FBP1: variants seen among roughly 807,000 people sequenced by gnomAD.
The protein encoded by FBP1 is fructose-bisphosphatase 1.
FBP1 carries 22 observed loss-of-function variants against 29.9 expected under a neutral mutation model. The ratio of observed to expected loss-of-function variants is 0.74; its 90% confidence interval spans 0.53 to 1.05. The LOEUF is 1.05. FBP1 is among the 50% of genes least tolerant of loss of function. FBP1 has a pLI of 0.00. For missense variants in FBP1, 345 were observed against 448.2 expected, an observed-to-expected ratio of 0.77 and a Z score of 2.08; for synonymous variants, 175 against 178.6, an observed-to-expected ratio of 0.98 and a Z score of 0.16.
intron 2 of FBP1, among the ~76,000 whole-genome samples, chr9:94,618,979 T>G (rs942124183): frequency 6.6e-6 from 1 of 152,146 alleles, no homozygotes; most frequent in Non-Finnish European, 1.5e-5. Context: ...TACAATGTCG[T>G]TTTTAAATGT....
chr9:94,605,382 T>A, intron 6 of FBP1, 75 bp downstream of exon 6: 2 of 1,540,098 alleles, frequency 1.3e-6, no homozygotes, highest in South Asian at 2.3e-5. Context: ...GCAAAACCTT[T>A]CTTCTTCCTA....
intron 1 of FBP1, among the ~76,000 whole-genome samples, chr9:94,624,380 C>T (rs905965829): frequency 6.8e-5 from 10 of 147,782 alleles, no homozygotes; most frequent in African/African-American, 2.0e-4. Flanking sequence ...GGGCCAGGCA[C>T]GGTGGCTCAC....
At chr9:94,619,537 A>C (rs138997140) in intron 2 of FBP1, among the ~76,000 whole-genome samples, 520 of 152,232 alleles carry the variant, frequency 3.4e-3, no homozygotes, top group African/African-American at 0.012. Context: ...TGCACTAGAC[A>C]CTGGGACACA....
intron 2 of FBP1, 118 bp downstream of exon 2, chr9:94,620,211 A>G (rs542758161): frequency 4.4e-5 from 44 of 993,950 alleles, no homozygotes; most frequent in Middle Eastern, 3.0e-4. Context: ...AAAAGACCAC[A>G]GCAGGGATCT....
At chr9:94,629,312 T>C (rs1012087729) in intron 1 of FBP1, among the ~76,000 whole-genome samples, 5 of 152,154 alleles carry the variant, frequency 3.3e-5, no homozygotes, top group Non-Finnish European at 7.3e-5. Flanking sequence ...AAAGCAGAGC[T>C]GATTAGCATG....
intron 6 of FBP1, 83 bp downstream of exon 6, chr9:94,605,374 A>C: frequency 6.7e-7 from 1 of 1,499,506 alleles, no homozygotes; most frequent in Non-Finnish European, 9.1e-7. Context: ...AATAGCTAGC[A>C]AAACCTTTCT....
chr9:94,621,563 C>T (rs955505289), intron 1 of FBP1, among the ~76,000 whole-genome samples: 1 of 152,130 alleles, frequency 6.6e-6, no homozygotes, highest in Non-Finnish European at 1.5e-5. Flanking sequence ...TGTTTCTTAA[C>T]TTTGTTTTCA....
intron 3 of FBP1, among the ~76,000 whole-genome samples, chr9:94,613,003 C>T (rs1164067927): frequency 1.3e-5 from 2 of 152,228 alleles, no homozygotes; most frequent in Admixed American, 6.5e-5. Flanking sequence ...AGGCCACCAC[C>T]TGCTGTAGGC....
chr9:94,627,660 A>G (rs1828045363), intron 1 of FBP1, among the ~76,000 whole-genome samples: 1 of 152,182 alleles, frequency 6.6e-6, no homozygotes, highest in South Asian at 2.1e-4. Context: ...GGCAGCTGTG[A>G]ACCAGAGGTG....
chr9:94,617,798 G>A lies in FBP1; in HGVS notation c.396C>T (p.Ser132=), dbSNP rs749185068. ...DGSSNIDCLV[S]VGTIFGIYRK... ...TATAGATGCCAAAAATGGTTCCAAC[G>A]GACACAAGGCAATCGATGTTGGAAG... is the stretch of plus-strand genomic sequence containing the variant. The change falls in exon 3 of 7, where the codon TCC becomes TCT. Residue 132 remains serine (S), a synonymous_variant. Coordinates refer to ENST00000375326, the MANE Select transcript of FBP1 (RefSeq NM_000507.4). 15 of 1,613,538 alleles carry A rather than the reference G, an allele frequency of 9.3e-6. No individual in the cohort carries two copies. The highest frequency in any genetic ancestry group is 2.2e-5 in the South Asian group (2 of 91,062).
Position 94,617,796 on chromosome 9 carries a change from A to T in FBP1, c.398T>A (p.Val133Asp). The change falls in exon 3 of 7, where the codon GTT (valine) becomes GAT (aspartate). Residue 133 changes from valine to aspartate, a missense_variant. By Grantham distance (152) the Val-to-Asp change is radical (BLOSUM62 -3). Transcript: ENST00000375326. ...TCTATAGATGCCAAAAATGGTTCCAACGGACACAAGGCAATCGATGTTGGA... is the reference window on the plus strand; with the variant it reads ...TCTATAGATGCCAAAAATGGTTCCATCGGACACAAGGCAATCGATGTTGGA... The part of the protein sequence containing the change: ...GSSNIDCLVS[V>D]GTIFGIYRKK... The T allele has an allele frequency of 6.2e-7, 1 of 1,613,868 alleles. No individual in the cohort carries two copies. The highest frequency in any genetic ancestry group is 8.5e-7 in the Non-Finnish European group (1 of 1,179,722).
Position 94,620,187 on chromosome 9 carries a change from A to G in FBP1, c.333+142T>C, listed in dbSNP as rs1048606160. On this transcript the variant is annotated intron_variant, in intron 2 of 6. Coordinates refer to ENST00000375326, the MANE Select transcript of FBP1 (RefSeq NM_000507.4). ...GAGGATTCGAGAGATGGCAGCAGTG[A>G]GGTGGAAGCTATGAAAAGACCACAG... is the stretch of plus-strand genomic sequence containing the variant. The G allele has an allele frequency of 4.9e-6, 4 of 823,304 alleles. No individual in the cohort carries two copies. In the African/African-American group the frequency reaches 6.7e-5, roughly 14 times the overall value. The allele number at this position is 823,304 out of a possible 1,614,324, so 51.0% of individuals were successfully genotyped here.
At chr9:94,631,808 G>C (rs1828108184) in intron 1 of FBP1, among the ~76,000 whole-genome samples, 1 of 152,152 alleles carries the variant, frequency 6.6e-6, no homozygotes, top group Admixed American at 6.5e-5. Flanking sequence ...GTTACTGCTT[G>C]ATTCCATGGT....
chr9:94,623,391 G>C (rs1161426196), intron 1 of FBP1, among the ~76,000 whole-genome samples: 1 of 152,226 alleles, frequency 6.6e-6, no homozygotes, highest in Non-Finnish European at 1.5e-5. Context: ...AGGCTCCCCT[G>C]CTCTTTCTGA....
At chr9:94,622,185 G>A (rs559449437) in intron 1 of FBP1, among the ~76,000 whole-genome samples, 5 of 152,316 alleles carry the variant, frequency 3.3e-5, no homozygotes, top group Middle Eastern at 3.4e-3. Context: ...TTGTCTAAAC[G>A]CAGCCTAGCT....
chr9:94,624,121 G>A (rs891713553), intron 1 of FBP1, among the ~76,000 whole-genome samples: 5 of 149,684 alleles, frequency 3.3e-5, no homozygotes, highest in East Asian at 2.0e-4. Context: ...GGATCCACCT[G>A]AGGTCAGGAG....
chr9:94,617,870 G>GA lies in FBP1; in HGVS notation c.334-11dup. The GA allele has an allele frequency of 6.3e-7, 1 of 1,592,230 alleles. No homozygotes were observed. Among genetic ancestry groups the GA allele is most frequent in the Admixed American group, 1.7e-5 (1 of 59,968 alleles). On this transcript the variant is annotated splice_polypyrimidine_tract_variant and intron_variant, in intron 2 of 6. Coordinates refer to ENST00000375326, the MANE Select transcript of FBP1 (RefSeq NM_000507.4). ...AGACCACATATTTACCCTGAGCACA[G>GA]AAAAAAGAAATACAACCTTAAAATG...
intron 5 of FBP1, among the ~76,000 whole-genome samples, chr9:94,606,019 T>C (rs2987898): frequency 1 from 152,194 of 152,224 alleles, 76,082 homozygotes; most frequent in Middle Eastern, 1. Flanking sequence ...GAGGAGCCTG[T>C]GGGACTCGGG....
chr9:94,640,186 TC>T (rs1042623961), upstream of FBP1: 2 of 152,218 alleles, frequency 1.3e-5, no homozygotes, highest in African/African-American at 4.8e-5. Flanking sequence ...CACAGAGTCC[TC>T]GGCTACCACA....
Sources: gnomAD v4.1 joint callset for allele counts (sites outside exome capture counted in the v4.1 genomes callset) on GRCh38, gnomAD v4.1.1 for gene constraint, MANE v1.5 for transcripts, NCBI Gene and HGNC (gene_info 2026-07-23, HGNC 2026-07-21) for gene names.